The following SPAG16 variants were observed in gnomAD, a reference collection of about 807,000 sequenced individuals.
The protein encoded by SPAG16 is sperm associated antigen 16.
A neutral mutation model predicts 80.4 loss-of-function variants in SPAG16; 86 were observed. The ratio of observed to expected loss-of-function variants is 1.07; its 90% CI spans 0.90 to 1.28. SPAG16 has a LOEUF of 1.28. Among genes scored for constraint, SPAG16 ranks in the 50% most tolerant of loss-of-function variants. The pLI is 0.00. For missense variants in SPAG16, 870 were observed against 765.3 expected (o/e 1.14, Z -1.61); for synonymous variants, 294 against 265.9 (o/e 1.11, Z -1.03).
chr2:214,128,457 A>T (rs2054601824), intron 14 of SPAG16, among the ~76,000 whole-genome samples: 1 of 151,864 alleles, frequency 6.6e-6, no homozygotes, highest in African/African-American at 2.4e-5. Flanking sequence ...AGTGAGCCAC[A>T]ACCTTCTCCA....
chr2:214,384,381 G>T (rs757135142), intron 15 of SPAG16, among the ~76,000 whole-genome samples: 9 of 152,130 alleles, frequency 5.9e-5, no homozygotes, highest in Non-Finnish European at 1.2e-4. Flanking sequence ...TGAAACATGA[G>T]GTGAAGAAAG....
chr2:213,639,498 A>C lies in SPAG16; in HGVS notation c.1070+149408A>C, dbSNP rs1367188482. Among the ~76,000 whole-genome samples, 4 of 152,122 alleles carry C rather than the reference A, an allele frequency of 2.6e-5. No homozygotes were observed. The East Asian group carries it at 7.7e-4, about 29-fold the overall frequency. On this transcript the variant is annotated intron_variant, in intron 10 of 15. Coordinates refer to ENST00000331683, the MANE Select transcript of SPAG16 (RefSeq NM_024532.5). The stretch of plus-strand genomic sequence containing the variant: ...AAAAGACTTTATCTCCCCTTCGTTT[A>C]TGAAACTTAGTTTTGCTGGCAAAAA...
At chr2:213,347,725 G>A (rs938830477) in intron 6 of SPAG16, among the ~76,000 whole-genome samples, 3 of 152,154 alleles carry the variant, frequency 2.0e-5, no homozygotes, top group African/African-American at 7.2e-5. Flanking sequence ...CTGAGTTCTA[G>A]TTTGACTGCA....
At chr2:214,311,362 C>T (rs1314901917) in intron 15 of SPAG16, among the ~76,000 whole-genome samples, 1 of 152,182 alleles carries the variant, frequency 6.6e-6, no homozygotes, top group African/African-American at 2.4e-5. Context: ...AGTGTGGTCC[C>T]TGCCACCTGA....
intron 15 of SPAG16, among the ~76,000 whole-genome samples, chr2:214,164,352 G>A (rs969974574): frequency 6.6e-6 from 1 of 152,122 alleles, no homozygotes; most frequent in Non-Finnish European, 1.5e-5. Context: ...TAGAAAGGAT[G>A]TTCTGAGATT....
intron 10 of SPAG16, among the ~76,000 whole-genome samples, chr2:213,740,959 T>C (rs1364015577): frequency 6.6e-6 from 1 of 152,224 alleles, no homozygotes; most frequent in Admixed American, 6.5e-5. Flanking sequence ...TATGTTTCCT[T>C]AAAATATATC....
intron 11 of SPAG16, among the ~76,000 whole-genome samples, chr2:213,899,264 C>T (rs955820259): frequency 6.6e-6 from 1 of 152,010 alleles, no homozygotes; most frequent in Non-Finnish European, 1.5e-5. Flanking sequence ...GATAGCTTTC[C>T]TCCTGTACTC....
intron 10 of SPAG16, among the ~76,000 whole-genome samples, chr2:213,817,970 TA>T (rs1035470263): frequency 6.6e-6 from 1 of 152,102 alleles, no homozygotes; most frequent in Admixed American, 6.6e-5. Context: ...GACCCTAAAA[TA>T]AAAGTTGAAA....
intron 3 of SPAG16, among the ~76,000 whole-genome samples, chr2:213,305,042 C>T (rs368294748): frequency 2.0e-5 from 3 of 151,816 alleles, no homozygotes; most frequent in African/African-American, 4.8e-5. Context: ...GTTTCTTTTT[C>T]GATTTCTTTC....
At chr2:213,480,210 CT>C (rs376832484) in intron 9 of SPAG16, among the ~76,000 whole-genome samples, 90 of 152,250 alleles carry the variant, frequency 5.9e-4, no homozygotes, top group African/African-American at 2.0e-3. Context: ...AAAGATAATC[CT>C]TGTGGACATC....
chr2:214,250,479 C>A (rs144243018), intron 15 of SPAG16, among the ~76,000 whole-genome samples: 2 of 150,596 alleles, frequency 1.3e-5, no homozygotes, highest in African/African-American at 4.9e-5. Flanking sequence ...CAAACCTAAT[C>A]ATATTGAATA....
intron 13 of SPAG16, among the ~76,000 whole-genome samples, chr2:214,071,634 A>T (rs1215032331): frequency 6.6e-6 from 1 of 152,158 alleles, no homozygotes; most frequent in African/African-American, 2.4e-5. Context: ...TGTTTACTGC[A>T]CCAATTATAC....
chr2:214,170,225 C>CACACACACTTAGGTGTGTATAT (rs1559101361), intron 15 of SPAG16, among the ~76,000 whole-genome samples: 3 of 83,136 alleles, frequency 3.6e-5, no homozygotes, highest in African/African-American at 8.4e-5. Context: ...GGTGTGTATA[C>CACACACACTTAGGTGTGTATAT]GTATACACAC....
chr2:213,691,149 C>G (rs1345385614), intron 10 of SPAG16, among the ~76,000 whole-genome samples: 5 of 152,084 alleles, frequency 3.3e-5, no homozygotes, highest in African/African-American at 9.7e-5. Context: ...CTTCAATAAG[C>G]CTAATCACCC....
At chr2:214,329,624 A>G (rs965559238) in intron 15 of SPAG16, among the ~76,000 whole-genome samples, 3 of 152,224 alleles carry the variant, frequency 2.0e-5, no homozygotes, top group African/African-American at 7.2e-5. Flanking sequence ...ACTGCTGGGC[A>G]TGGAAGGTTT....
chr2:213,532,244 G>A (rs2076094343), intron 10 of SPAG16, among the ~76,000 whole-genome samples: 1 of 152,168 alleles, frequency 6.6e-6, no homozygotes, highest in South Asian at 2.1e-4. Flanking sequence ...ATATAAATCT[G>A]CATTCTTTAA....
intron 9 of SPAG16, among the ~76,000 whole-genome samples, chr2:213,379,278 T>A (rs1479083296): frequency 2.0e-5 from 3 of 152,160 alleles, no homozygotes; most frequent in Admixed American, 2.0e-4. Flanking sequence ...CAGTACCATA[T>A]ATTGAATGCT....
intron 10 of SPAG16, among the ~76,000 whole-genome samples, chr2:213,755,234 C>T (rs2068269058): frequency 6.6e-6 from 1 of 152,120 alleles, no homozygotes; most frequent in Non-Finnish European, 1.5e-5. Flanking sequence ...TCAATCCATG[C>T]ATCACAGTTT....
At chr2:214,176,940 T>C (rs775904819) in intron 15 of SPAG16, among the ~76,000 whole-genome samples, 1 of 151,016 alleles carries the variant, frequency 6.6e-6, no homozygotes, top group African/African-American at 2.4e-5. Context: ...CAGAATTTTA[T>C]GCTAAGCTTT....
Sources: gnomAD v4.1 joint callset for allele counts (sites outside exome capture counted in the v4.1 genomes callset) on GRCh38, gnomAD v4.1.1 for gene constraint, MANE v1.5 for transcripts, NCBI Gene and HGNC (gene_info 2026-07-23, HGNC 2026-07-21) for gene names.